NTN4: variants seen among roughly 807,000 people sequenced by gnomAD.
The protein encoded by NTN4 is netrin-4.
In NTN4, 32 loss-of-function variants were observed where a neutral mutation model predicts 73.6. The observed-to-expected ratio is 0.44, with a 90% CI of 0.33 to 0.58. The LOEUF (loss-of-function observed/expected upper bound fraction) is 0.58, where lower values mean the gene tolerates loss of function less well. Ranked by LOEUF, NTN4 falls within the 20% of genes least tolerant of loss-of-function variation. NTN4 has a pLI of 0.04. For synonymous variants in NTN4, 258 were observed against 287.5 expected (o/e 0.90, Z 1.04); for missense variants, 654 against 798.3 (o/e 0.82, Z 2.18).
intron 3 of NTN4, among the ~76,000 whole-genome samples, chr12:95,726,502 A>C (rs999667224): frequency 6.6e-5 from 10 of 152,276 alleles, no homozygotes; most frequent in African/African-American, 2.4e-4. Flanking sequence ...ACCATAGTTT[A>C]TCCATTCATC....
intron 3 of NTN4, among the ~76,000 whole-genome samples, chr12:95,720,516 G>A (rs1447384186): frequency 6.6e-6 from 1 of 152,026 alleles, no homozygotes; most frequent in African/African-American, 2.4e-5. Flanking sequence ...CATACAATGG[G>A]TTTCCAATAA....
At chr12:95,745,950 C>G (rs773868495) in intron 2 of NTN4, among the ~76,000 whole-genome samples, 1 of 152,194 alleles carries the variant, frequency 6.6e-6, no homozygotes, top group Non-Finnish European at 1.5e-5. Context: ...CTGTTCCTGG[C>G]CCCATGTTAC....
chr12:95,773,680 G>A (rs114610505), intron 2 of NTN4, among the ~76,000 whole-genome samples: 1 of 151,908 alleles, frequency 6.6e-6, no homozygotes, highest in African/African-American at 2.4e-5. Flanking sequence ...TTCTCGGGGA[G>A]CCCCATCTCA....
intron 2 of NTN4, among the ~76,000 whole-genome samples, chr12:95,770,498 T>C (rs1406567798): frequency 6.6e-6 from 1 of 152,068 alleles, no homozygotes; most frequent in Non-Finnish European, 1.5e-5. Context: ...TACTTTTTAT[T>C]TGGAGGTGGT....
At chr12:95,659,936 A>G (rs1047578020) in intron 9 of NTN4, among the ~76,000 whole-genome samples, 3 of 152,170 alleles carry the variant, frequency 2.0e-5, no homozygotes, top group African/African-American at 4.8e-5. Context: ...CACTTATCAT[A>G]CTGCCCTAGA....
chr12:95,659,932 T>G (rs995215661), intron 9 of NTN4, among the ~76,000 whole-genome samples: 1 of 152,194 alleles, frequency 6.6e-6, no homozygotes, highest in Non-Finnish European at 1.5e-5. Flanking sequence ...AGGACACTTA[T>G]CATACTGCCC....
chr12:95,713,607 TG>T (rs2078582450), intron 3 of NTN4, among the ~76,000 whole-genome samples: 1 of 152,234 alleles, frequency 6.6e-6, no homozygotes, highest in Non-Finnish European at 1.5e-5. Context: ...AGCAAACACT[TG>T]AATTCTAAAG....
rs182064615 is a variant in NTN4, at chr12:95,667,367, A to G, written c.1580-1387T>C. ...GCCCGGCTAATTTTCATATATATAT[A>G]TTTTTTCACAGGGAAGTTCTTATCG... is the stretch of plus-strand genomic sequence containing the variant. On this transcript the variant is annotated intron_variant, in intron 8 of 9. Transcript: ENST00000343702. Among the ~76,000 whole-genome samples, 13 of 151,608 alleles carry G rather than the reference A, an allele frequency of 8.6e-5. No homozygotes were observed. In the East Asian group the frequency reaches 2.5e-3, roughly 29 times the overall value.
chr12:95,735,844 GGACT>G (rs928564777), intron 3 of NTN4, among the ~76,000 whole-genome samples: 2 of 151,442 alleles, frequency 1.3e-5, no homozygotes, highest in Non-Finnish European at 2.9e-5. Flanking sequence ...TATATTTAGA[GGACT>G]TACTTTAAAA....
At chr12:95,682,057 C>CTTGTTTTTTTTTTTT in intron 7 of NTN4, among the ~76,000 whole-genome samples, 1 of 64,546 alleles carries the variant, frequency 1.5e-5, no homozygotes, top group Non-Finnish European at 2.6e-5. Flanking sequence ...ATTCAGTAGG[C>CTTGTTTTTTTTTTTT]TTTTTTTTTT....
At chr12:95,754,319 C>T (rs567910496) in intron 2 of NTN4, among the ~76,000 whole-genome samples, 6 of 52,632 alleles carry the variant, frequency 1.1e-4, no homozygotes, top group South Asian at 1.2e-3. Context: ...TAGGTTCCCA[C>T]GCCGCCCCTA....
intron 2 of NTN4, among the ~76,000 whole-genome samples, chr12:95,751,813 C>T (rs10859933): frequency 0.81 from 70,016 of 86,658 alleles, 29,380 homozygotes; most frequent in Non-Finnish European, 0.89. Flanking sequence ...GCCTCCATAA[C>T]TGTTATGGGT....
At chr12:95,698,966 G>T (rs1345272313) in intron 5 of NTN4, among the ~76,000 whole-genome samples, 1 of 148,682 alleles carries the variant, frequency 6.7e-6, no homozygotes, top group African/African-American at 2.5e-5. Flanking sequence ...ATTATGTTAT[G>T]ACATATCTAT....
chr12:95,666,103 G>A lies in NTN4; in HGVS notation c.1580-123C>T, dbSNP rs543559756. ...ATTGATGATGAGGATGTGAAAATTT[G>A]CTTTAAAAATCATTAGGCATTAACT... On this transcript the variant is annotated intron_variant, in intron 8 of 9. Coordinates refer to ENST00000343702, the MANE Select transcript of NTN4 (RefSeq NM_021229.4). The A allele has an allele frequency of 1.2e-5, 9 of 763,322 alleles. No individual in the cohort carries two copies. In the African/African-American group the frequency reaches 1.4e-4, roughly 12 times the overall value. 47.3% of individuals were successfully genotyped at this position (763,322 alleles called of 1,614,324 possible). A position where few individuals can be genotyped will look rare whatever the true frequency, so the allele number is the denominator to read the frequency against.
chr12:95,745,514 T>C (rs768332595), intron 2 of NTN4, among the ~76,000 whole-genome samples: 2 of 152,204 alleles, frequency 1.3e-5, no homozygotes, highest in Admixed American at 6.5e-5. Flanking sequence ...TTTGCTATCT[T>C]TTCCTTGCCT....
At chr12:95,771,429 A>G (rs1454832019) in intron 2 of NTN4, among the ~76,000 whole-genome samples, 1 of 152,164 alleles carries the variant, frequency 6.6e-6, no homozygotes, top group Non-Finnish European at 1.5e-5. Flanking sequence ...ATTCAATACT[A>G]ATTAGAAGAT....
chr12:95,734,803 G>A (rs2078763087), intron 3 of NTN4, among the ~76,000 whole-genome samples: 1 of 152,192 alleles, frequency 6.6e-6, no homozygotes. Context: ...ACTTTGGGAG[G>A]CTGAGGCGGG....
At chr12:95,751,127 C>T (rs1236752092) in intron 2 of NTN4, among the ~76,000 whole-genome samples, 3 of 152,144 alleles carry the variant, frequency 2.0e-5, no homozygotes, top group African/African-American at 7.2e-5. Flanking sequence ...ATTTTATTAC[C>T]CAATCTGCTC....
chr12:95,728,978 C>T (rs968929200), intron 3 of NTN4, among the ~76,000 whole-genome samples: 7 of 152,112 alleles, frequency 4.6e-5, no homozygotes, highest in Admixed American at 6.5e-5. Context: ...CTTTGTCTTC[C>T]GCCATGATTG....
Sources: gnomAD v4.1 joint callset for allele counts (sites outside exome capture counted in the v4.1 genomes callset) on GRCh38, gnomAD v4.1.1 for gene constraint, MANE v1.5 for transcripts, NCBI Gene and HGNC (gene_info 2026-07-23, HGNC 2026-07-21) for gene names.